The following FOXN3 variants were observed in gnomAD, a reference collection of about 807,000 sequenced individuals.
FOXN3 encodes the protein forkhead box N3, also known as forkhead box protein N3.
FOXN3 carries 7 observed loss-of-function variants against 38.4 expected under a neutral mutation model. The observed-to-expected ratio is 0.18, with a 90% CI of 0.10 to 0.34. The LOEUF (loss-of-function observed/expected upper bound fraction) is 0.34. Among genes scored for constraint, FOXN3 ranks in the 10% least tolerant of loss-of-function variants. The pLI is 1.00. For synonymous variants in FOXN3, 230 were observed against 242.2 expected (o/e 0.95, Z 0.47); for missense variants, 456 against 613.4 (o/e 0.74, Z 2.71).
intron 1 of FOXN3, among the ~76,000 whole-genome samples, chr14:89,433,409 G>A (rs901228588): frequency 6.6e-6 from 1 of 152,232 alleles, no homozygotes; most frequent in African/African-American, 2.4e-5. Context: ...TTGAACTCAG[G>A]AGGCTGAGGT....
intron 3 of FOXN3, among the ~76,000 whole-genome samples, chr14:89,334,572 T>C (rs1265288328): frequency 6.9e-6 from 1 of 144,078 alleles, no homozygotes; most frequent in Non-Finnish European, 1.5e-5. Flanking sequence ...ATCATGCCAC[T>C]GCACTCCAGC....
intron 4 of FOXN3, among the ~76,000 whole-genome samples, chr14:89,246,550 T>TTTTTTC (rs1163285193): frequency 1.4e-5 from 2 of 140,396 alleles, no homozygotes; most frequent in African/African-American, 5.3e-5. Context: ...GGCTTTTTTT[T>TTTTTTC]TTTTTTTTTT....
At chr14:89,478,054 AG>A (rs775064669) in intron 1 of FOXN3, among the ~76,000 whole-genome samples, 1 of 152,062 alleles carries the variant, frequency 6.6e-6, no homozygotes, top group Non-Finnish European at 1.5e-5. Context: ...GGCCTGGTGG[AG>A]GTGTCTGGGT....
At chr14:89,221,393 TTC>T (rs1210693580) in intron 4 of FOXN3, among the ~76,000 whole-genome samples, 1 of 152,210 alleles carries the variant, frequency 6.6e-6, no homozygotes, top group African/African-American at 2.4e-5. Flanking sequence ...CTTCTTTTCT[TTC>T]TCTCTTTTAA....
upstream of FOXN3, chr14:89,417,570 G>C (rs1290909862): frequency 1.2e-5 from 4 of 326,436 alleles, no homozygotes; most frequent in East Asian, 4.7e-4. Context: ...CCCGGGCTCC[G>C]GCCACACGAG....
intron 1 of FOXN3, among the ~76,000 whole-genome samples, chr14:89,617,641 T>C (rs979304036): frequency 1.3e-5 from 2 of 152,196 alleles, no homozygotes; most frequent in Non-Finnish European, 2.9e-5. Flanking sequence ...GCAGAAATCA[T>C]TGAGAATGTA....
At chr14:89,590,054 G>A (rs1246108930) in intron 1 of FOXN3, among the ~76,000 whole-genome samples, 2 of 152,144 alleles carry the variant, frequency 1.3e-5, no homozygotes, top group African/African-American at 4.8e-5. Flanking sequence ...GAAAGGAGAA[G>A]GAACCTACTA....
rs754755047 is a variant in FOXN3, at chr14:89,281,052, T to C, written c.681-38A>G. On this transcript the variant is annotated intron_variant, in intron 3 of 5. Transcript: ENST00000557258. ...AGAAACTAGCATAAGGCCAAGTTCA[T>C]CTGCACTCACACACCTGCAACCCCT... 185 of 1,575,994 alleles carry C rather than the reference T, an allele frequency of 1.2e-4. 1 individual carries two copies. The highest frequency in any genetic ancestry group is 1.7e-4 in the Middle Eastern group (1 of 6,038).
chr14:89,571,104 C>A (rs747699658), intron 1 of FOXN3, among the ~76,000 whole-genome samples: 1 of 152,198 alleles, frequency 6.6e-6, no homozygotes, highest in African/African-American at 2.4e-5. Flanking sequence ...CAGACTCTTA[C>A]TTTGAACCTA....
intron 1 of FOXN3, among the ~76,000 whole-genome samples, chr14:89,439,990 T>C (rs1160828423): frequency 6.6e-6 from 1 of 152,160 alleles, no homozygotes; most frequent in Non-Finnish European, 1.5e-5. Flanking sequence ...TTCACTTTAC[T>C]CTATGGACTC....
intron 5 of FOXN3, among the ~76,000 whole-genome samples, chr14:89,171,368 A>T (rs1361688742): frequency 6.6e-6 from 1 of 152,200 alleles, no homozygotes; most frequent in Non-Finnish European, 1.5e-5. Context: ...TAAGCAATAG[A>T]TATTTCCAGT....
At position 89,516,259 on chromosome 14, in the gene FOXN3, A is replaced by C. The variant is rs147390500; in HGVS notation, c.-15+102769T>G. Among the ~76,000 whole-genome samples the C allele has an allele frequency of 8.5e-5, 13 of 152,236 alleles. No homozygotes were observed. In the East Asian group the frequency reaches 2.5e-3, roughly 29 times the overall value. On this transcript the variant is annotated intron_variant, in intron 1 of 6. Transcript: ENST00000345097. Reference sequence around the variant, plus strand: ...ACTTTGAGCTTTAGAAAAAAATGGGATCTGGCTAAAGTTTCTCCTCTCTGC... The same window carrying C: ...ACTTTGAGCTTTAGAAAAAAATGGGCTCTGGCTAAAGTTTCTCCTCTCTGC...
rs538697019 is a variant in FOXN3, at chr14:89,237,699, C to T, written c.745+43251G>A. Among the ~76,000 whole-genome samples, 80 of 152,308 alleles carry T rather than the reference C, an allele frequency of 5.3e-4. 1 individual carries two copies. The highest frequency in any genetic ancestry group is 1.8e-3 in the African/African-American group (73 of 41,578). On this transcript the variant is annotated intron_variant, in intron 4 of 5. Coordinates refer to ENST00000557258, the MANE Select transcript of FOXN3 (RefSeq NM_005197.4). ...GGAAAACAAAAACTGACCACCCCTC[C>T]CCCTAATTTTTCTTCTCACATTGAG...
chr14:89,475,814 A>G (rs1301461571), intron 1 of FOXN3, among the ~76,000 whole-genome samples: 1 of 152,238 alleles, frequency 6.6e-6, no homozygotes, highest in African/African-American at 2.4e-5. Context: ...AGAATCATAT[A>G]GTCTTCAAAC....
intron 4 of FOXN3, among the ~76,000 whole-genome samples, chr14:89,181,063 C>G (rs945071386): frequency 6.6e-6 from 1 of 151,230 alleles, no homozygotes; most frequent in African/African-American, 2.4e-5. Flanking sequence ...CACATACAGA[C>G]ATGCACACAC....
chr14:89,269,586 G>A (rs1886086796), intron 4 of FOXN3, among the ~76,000 whole-genome samples: 3 of 151,488 alleles, frequency 2.0e-5, no homozygotes, highest in Non-Finnish European at 1.5e-5. Flanking sequence ...AGGTCACCAC[G>A]GTAATGGTCG....
intron 3 of FOXN3, among the ~76,000 whole-genome samples, chr14:89,337,181 GT>G (rs1888486175): frequency 6.6e-6 from 1 of 152,138 alleles, no homozygotes; most frequent in African/African-American, 2.4e-5. Context: ...CACAGATTTG[GT>G]AGTACAAAGA....
At chr14:89,457,516 T>C (rs555754930) in intron 1 of FOXN3, among the ~76,000 whole-genome samples, 1 of 152,286 alleles carries the variant, frequency 6.6e-6, no homozygotes, top group East Asian at 1.9e-4. Context: ...AAACTTCAGG[T>C]TCTCATCTGG....
intron 4 of FOXN3, among the ~76,000 whole-genome samples, chr14:89,280,217 A>G (rs1348620464): frequency 1.3e-5 from 2 of 152,238 alleles, no homozygotes; most frequent in Non-Finnish European, 2.9e-5. Context: ...CCCCAAAGTA[A>G]TTTCTAAAAG....
Sources: gnomAD v4.1 joint callset for allele counts (sites outside exome capture counted in the v4.1 genomes callset) on GRCh38, gnomAD v4.1.1 for gene constraint, MANE v1.5 for transcripts, NCBI Gene and HGNC (gene_info 2026-07-23, HGNC 2026-07-21) for gene names.